DIAPH2: variants seen among roughly 807,000 people sequenced by gnomAD.
DIAPH2 encodes protein diaphanous homolog 2.
Under a neutral mutation model 92.7 loss-of-function variants are expected in DIAPH2, and 35 were observed. The ratio of observed to expected loss-of-function variants is 0.38; its 90% CI spans 0.29 to 0.50. The LOEUF is 0.50. DIAPH2 is among the 20% of genes least tolerant of loss of function. DIAPH2 has a pLI of 0.94. For synonymous variants in DIAPH2, 301 were observed against 280.4 expected (o/e 1.07, Z -0.73); for missense variants, 701 against 819.5 (o/e 0.86, Z 1.77).
chrX:97,199,996 G>A (rs1400503128), intron 22 of DIAPH2, among the ~76,000 whole-genome samples: 2 of 109,411 alleles, frequency 1.8e-5, no homozygotes, highest in African/African-American at 6.7e-5. Flanking sequence ...ATGCAGAAGG[G>A]AGGTACCTAG....
Position 96,918,548 on chromosome X carries a change from A to G in DIAPH2, c.909A>G (p.Glu303=). 3 of 1,207,373 alleles carry G rather than the reference A, an allele frequency of 2.5e-6. No individual in the cohort carries two copies. The African/African-American group carries it at 5.2e-5, about 21-fold the overall frequency. ...TAGGGGCTATAACAACAGCAGCAGA[A>G]AGAAATAACAGGGAACGATTTTCAC... The part of the protein sequence containing the change: ...KLLGAITTAA[E]RNNRERFSPI... Residue 303 remains glutamate (E), a synonymous_variant, in exon 9 of 27, where the codon GAA becomes GAG. Transcript: ENST00000324765.
rs755044699 is a variant in DIAPH2, at chrX:97,122,823, A to C, written c.2589+7858A>C. 2.7e-5 allele frequency among the ~76,000 whole-genome samples: 3 copies of C among 110,677 alleles called. No homozygotes were observed. In the East Asian group the frequency reaches 8.6e-4, roughly 32 times the overall value. On this transcript the variant is annotated intron_variant, in intron 21 of 26. Coordinates refer to ENST00000324765, the MANE Select transcript of DIAPH2 (RefSeq NM_006729.5). ...GTCCTTTAAACTTTCCTTTCTGTGG[A>C]GCTATTTGTGGGAAAGAGTTTTCAT...
In DIAPH2 at chrX:96,948,931, G is replaced by A. The variant is rs374324224; in HGVS notation, c.1510-4G>A. ...TAACTGTACATTGATGGTGATCATTGCAGTTCGATGAAGAATTCACAGCTC... is the reference window on the plus strand; with the variant it reads ...TAACTGTACATTGATGGTGATCATTACAGTTCGATGAAGAATTCACAGCTC... On this transcript the variant is annotated splice_polypyrimidine_tract_variant and splice_region_variant and intron_variant, in intron 14 of 26. Coordinates refer to ENST00000324765, the MANE Select transcript of DIAPH2 (RefSeq NM_006729.5). 15 of 1,155,597 alleles carry A rather than the reference G, an allele frequency of 1.3e-5. No homozygotes were observed. The African/African-American group carries it at 2.5e-4, about 19-fold the overall frequency.
intron 19 of DIAPH2, among the ~76,000 whole-genome samples, chrX:97,096,757 C>A (rs2066872008): frequency 8.9e-6 from 1 of 111,964 alleles, no homozygotes; most frequent in South Asian, 3.8e-4. Context: ...AGTACTCAGA[C>A]ATCTGACCAC....
intron 5 of DIAPH2, among the ~76,000 whole-genome samples, chrX:96,887,045 C>T (rs1049874029): frequency 3.6e-5 from 4 of 110,737 alleles, no homozygotes; most frequent in Non-Finnish European, 7.5e-5. Flanking sequence ...TATCTGTGTT[C>T]GTTGGGGTTT....
At chrX:97,244,587 G>A (rs1317127016) in intron 22 of DIAPH2, among the ~76,000 whole-genome samples, 1 of 112,006 alleles carries the variant, frequency 8.9e-6, no homozygotes, top group Admixed American at 9.5e-5. Flanking sequence ...ATAAGGAAAT[G>A]AAGATCCAAA....
At chrX:97,366,135 C>T (rs953868159) in intron 24 of DIAPH2, among the ~76,000 whole-genome samples, 8 of 111,890 alleles carry the variant, frequency 7.1e-5, no homozygotes, top group African/African-American at 2.6e-4. Flanking sequence ...GTGTGTGGCA[C>T]ATAAAAGTAA....
At chrX:97,003,923 G>C (rs1273740203) in intron 17 of DIAPH2, among the ~76,000 whole-genome samples, 1 of 111,687 alleles carries the variant, frequency 9.0e-6, no homozygotes, top group Non-Finnish European at 1.9e-5. Context: ...TCTTGTAGTA[G>C]TTTCATAGTT....
chrX:97,224,672 C>T (rs1040660255), intron 22 of DIAPH2, among the ~76,000 whole-genome samples: 1 of 111,592 alleles, frequency 9.0e-6, no homozygotes, highest in Non-Finnish European at 1.9e-5. Flanking sequence ...ATTATTAGTA[C>T]CATCTTAATC....
chrX:96,927,282 A>AT (rs5903060), intron 9 of DIAPH2, among the ~76,000 whole-genome samples: 1,440 of 82,050 alleles, frequency 0.018, 36 homozygotes, highest in African/African-American at 0.051. Context: ...CTGGAGTTGA[A>AT]TTTTTTTTTT....
At chrX:97,347,978 G>T in intron 23 of DIAPH2, 138 bp from the exon 24 acceptor site, 1 of 572,434 alleles carries the variant, frequency 1.7e-6, no homozygotes. Flanking sequence ...TACCATGGCA[G>T]CCCTAACAAA....
At chrX:96,803,874 C>G (rs2064603141) in intron 4 of DIAPH2, among the ~76,000 whole-genome samples, 1 of 111,156 alleles carries the variant, frequency 9.0e-6, no homozygotes, top group Non-Finnish European at 1.9e-5. Context: ...CCCGTCTCTA[C>G]TAAAAATACA....
At chrX:96,784,838 A>G (rs2064443599) in intron 4 of DIAPH2, among the ~76,000 whole-genome samples, 1 of 111,976 alleles carries the variant, frequency 8.9e-6, no homozygotes, top group South Asian at 3.7e-4. Context: ...AACCTTGGAA[A>G]TGTTGGCTGG....
chrX:97,240,194 A>G (rs1298202001), intron 22 of DIAPH2, among the ~76,000 whole-genome samples: 1 of 111,530 alleles, frequency 9.0e-6, no homozygotes, highest in Non-Finnish European at 1.9e-5. Flanking sequence ...GAACTTGCTA[A>G]TAAGTCTGAT....
rs189396948 is a variant in DIAPH2, at chrX:97,344,168, A to T, written c.2845-3948A>T. ...TCTTCAGGGTAGAGATTAAGGCTTTAATGATCATTCTATCGACCACAATGC... is the reference window on the plus strand; with the variant it reads ...TCTTCAGGGTAGAGATTAAGGCTTTTATGATCATTCTATCGACCACAATGC... On this transcript the variant is annotated intron_variant, in intron 23 of 26. Coordinates refer to ENST00000324765, the MANE Select transcript of DIAPH2 (RefSeq NM_006729.5). Among the ~76,000 whole-genome samples, 3 of 112,298 alleles carry T rather than the reference A, an allele frequency of 2.7e-5. No homozygotes were observed. The East Asian group carries it at 8.4e-4, about 31-fold the overall frequency.
chrX:97,213,664 A>G (rs1040574364), intron 22 of DIAPH2, among the ~76,000 whole-genome samples: 3 of 112,397 alleles, frequency 2.7e-5, no homozygotes, highest in African/African-American at 9.7e-5. Context: ...TACTTAAGCA[A>G]TATACAAATG....
At chrX:97,253,699 G>A (rs1057401733) in intron 23 of DIAPH2, among the ~76,000 whole-genome samples, 3 of 111,393 alleles carry the variant, frequency 2.7e-5, no homozygotes, top group East Asian at 2.8e-4. Context: ...GCAGTGAGCC[G>A]AGATTGTGCC....
intron 26 of DIAPH2, among the ~76,000 whole-genome samples, chrX:97,563,911 G>A (rs1436105518): frequency 1.8e-5 from 2 of 111,480 alleles, no homozygotes; most frequent in East Asian, 5.6e-4. Context: ...AAAGAGATTG[G>A]CATCCTAACA....
intron 5 of DIAPH2, among the ~76,000 whole-genome samples, chrX:96,888,556 TATATATATACACA>T (rs2065281697): frequency 1.2e-5 from 1 of 84,936 alleles, no homozygotes; most frequent in Non-Finnish European, 2.2e-5. Flanking sequence ...TATATATATC[TATATATATACACA>T]GATATATATA....
Sources: allele counts gnomAD v4.1 joint callset (sites outside exome capture counted in the v4.1 genomes callset), GRCh38; gene constraint gnomAD v4.1.1; transcripts MANE v1.5; gene names NCBI Gene and HGNC (gene_info 2026-07-23, HGNC 2026-07-21).